PCDHGB2: variants seen among roughly 807,000 people sequenced by gnomAD.
PCDHGB2 encodes the protein protocadherin gamma-B2.
A neutral mutation model predicts 59.3 loss-of-function variants in PCDHGB2; 55 were observed. The ratio of observed to expected loss-of-function variants is 0.93; its 90% CI spans 0.75 to 1.16. The LOEUF (loss-of-function observed/expected upper bound fraction) is 1.16, where lower values mean the gene tolerates loss of function less well. Among genes scored for constraint, PCDHGB2 ranks in the 50% most tolerant of loss-of-function variants. PCDHGB2 has a pLI of 0.00. For missense variants in PCDHGB2, 1,228 were observed against 1,198.5 expected, an observed-to-expected ratio of 1.02 and a Z score of -0.36; for synonymous variants, 516 against 512.0, an observed-to-expected ratio of 1.01 and a Z score of -0.11.
At chr5:141,384,893 C>G in intron 1 of PCDHGB2, 2 of 1,613,890 alleles carry the variant, frequency 1.2e-6, no homozygotes, top group Non-Finnish European at 1.7e-6. Context: ...GTGGCTGTGG[C>G]TGACAGCATC....
intron 1 of PCDHGB2, chr5:141,370,427 AG>A (rs749504882): frequency 1.3e-4 from 212 of 1,590,086 alleles, no homozygotes; most frequent in Non-Finnish European, 1.7e-4. Flanking sequence ...GGGGCCCAGC[AG>A]GGCAGAGGCG....
At chr5:141,401,213 G>T (rs1259778152) in intron 1 of PCDHGB2, among the ~76,000 whole-genome samples, 2 of 152,014 alleles carry the variant, frequency 1.3e-5, no homozygotes, top group African/African-American at 4.8e-5. Flanking sequence ...GTGGTGGCGG[G>T]CGCCTGTAAT....
intron 1 of PCDHGB2, among the ~76,000 whole-genome samples, chr5:141,437,721 A>G (rs2097904045): frequency 6.6e-6 from 1 of 151,664 alleles, no homozygotes; most frequent in African/African-American, 2.4e-5. Flanking sequence ...TTACCCTCTA[A>G]TGTTACACTT....
At position 141,431,098 on chromosome 5, in the gene PCDHGB2, A is replaced by G; in HGVS notation, c.2422-63709A>G. The G allele has an allele frequency of 6.2e-7, 1 of 1,614,260 alleles. No homozygotes were observed. The highest frequency in any genetic ancestry group is 8.5e-7 in the Non-Finnish European group (1 of 1,180,040). On this transcript the variant is annotated intron_variant, in intron 1 of 3. Transcript: ENST00000522605. This position sits in a 1 kb window ranked among gnomAD's most constrained non-coding sequence, Gnocchi z 4.8. ...ATCTAGACATTCTGATGGAGGATAA[A>G]GTGAAAATATATGGAGTAGAAGTAG...
intron 1 of PCDHGB2, chr5:141,430,946 G>C: frequency 6.2e-7 from 1 of 1,609,494 alleles, no homozygotes. Context: ...CGCGGAGCGC[G>C]GAGTCCGCAT....
chr5:141,428,037 C>G lies in PCDHGB2; in HGVS notation c.2421+65481C>G, dbSNP rs762273592. 3.7e-6 allele frequency: 6 copies of G among 1,608,340 alleles called. No homozygotes were observed. In the African/African-American group the frequency reaches 8.0e-5, roughly 21 times the overall value. ...GCCACGCGCCGCAGAGTCCGGCTACCTGGTGACCAAGGTGGTGGCGGTGGA... is the reference window on the plus strand; with the variant it reads ...GCCACGCGCCGCAGAGTCCGGCTACGTGGTGACCAAGGTGGTGGCGGTGGA... On this transcript the variant is annotated intron_variant, in intron 1 of 3. Coordinates refer to ENST00000522605, the MANE Select transcript of PCDHGB2 (RefSeq NM_018923.3).
chr5:141,390,095 T>C lies in PCDHGB2; in HGVS notation c.2421+27539T>C, dbSNP rs763642761. 3 of 1,613,972 alleles carry C rather than the reference T, an allele frequency of 1.9e-6. No individual in the cohort carries two copies. In the South Asian group the frequency reaches 3.3e-5, roughly 18 times the overall value. ...TCTGTGTTAAATCCGAATCCGTGGT[T>C]CCCCCCAACTACAGCGAGGGGACTT... On this transcript the variant is annotated intron_variant, in intron 1 of 3. Coordinates refer to ENST00000522605, the MANE Select transcript of PCDHGB2 (RefSeq NM_018923.3).
In PCDHGB2 at chr5:141,430,673, C is replaced by T. The variant is rs183365013; in HGVS notation, c.2422-64134C>T. 1.5e-4 allele frequency: 198 copies of T among 1,288,318 alleles called. 2 individuals are homozygous for T. In the African/African-American group the frequency reaches 2.8e-3, roughly 18 times the overall value. The allele number at this position is 1,288,318 out of a possible 1,614,324, so 79.8% of individuals were successfully genotyped here. On this transcript the variant is annotated intron_variant, in intron 1 of 3. Coordinates refer to ENST00000522605, the MANE Select transcript of PCDHGB2 (RefSeq NM_018923.3). Reference sequence around the variant, plus strand: ...AAACAACGGAGGAGCTCTGACTTCCCAACTGTCCCATTCTATGGGCGAAGG... The same window carrying T: ...AAACAACGGAGGAGCTCTGACTTCCTAACTGTCCCATTCTATGGGCGAAGG...
At chr5:141,379,171 A>G (rs1561582641) in intron 1 of PCDHGB2, 1 of 152,248 alleles carries the variant, frequency 6.6e-6, no homozygotes, top group Non-Finnish European at 1.5e-5. Flanking sequence ...GTCTTCTTAA[A>G]GATAACATTG....
intron 1 of PCDHGB2, among the ~76,000 whole-genome samples, chr5:141,463,572 C>T (rs1462125489): frequency 6.6e-6 from 1 of 151,572 alleles, no homozygotes; most frequent in African/African-American, 2.4e-5. Context: ...CCTCAGCCTC[C>T]CGAGTAGCTG....
chr5:141,478,202 C>T, intron 1 of PCDHGB2: 1 of 1,614,074 alleles, frequency 6.2e-7, no homozygotes, highest in Non-Finnish European at 8.5e-7. Flanking sequence ...TTATCTACTT[C>T]TTTCTCTAAT....
intron 1 of PCDHGB2, chr5:141,408,220 G>T: frequency 6.4e-7 from 1 of 1,558,994 alleles, no homozygotes; most frequent in Admixed American, 1.9e-5. Flanking sequence ...GGAGCTGCGC[G>T]CAGAGGCGCC....
chr5:141,374,949 C>T (rs1770969144), intron 1 of PCDHGB2: 1 of 1,614,022 alleles, frequency 6.2e-7, no homozygotes, highest in African/African-American at 1.3e-5. Context: ...GAAAAGATCT[C>T]ACAAATTTTC....
chr5:141,410,066 C>G, intron 1 of PCDHGB2: 1 of 1,612,912 alleles, frequency 6.2e-7, no homozygotes, highest in Non-Finnish European at 8.5e-7. Context: ...CCTGGGGCTG[C>G]GCACTGGGGA....
intron 1 of PCDHGB2, chr5:141,421,453 T>G: frequency 1.2e-6 from 2 of 1,614,102 alleles, no homozygotes; most frequent in Middle Eastern, 1.6e-4. Context: ...GACACAGCTT[T>G]TCGCTGTGAA....
intron 1 of PCDHGB2, chr5:141,376,537 G>A (rs753618601): frequency 1.2e-6 from 2 of 1,613,388 alleles, no homozygotes; most frequent in African/African-American, 1.3e-5. Context: ...AGCGGGAAGA[G>A]TAATCTGATC....
intron 1 of PCDHGB2, chr5:141,423,956 A>G: frequency 1.7e-6 from 2 of 1,182,724 alleles, no homozygotes; most frequent in Non-Finnish European, 2.1e-6. Flanking sequence ...TTTTAGTATT[A>G]TTTTTCTATT....
At chr5:141,430,979 C>A (rs370494413) in intron 1 of PCDHGB2, 2 of 1,613,642 alleles carry the variant, frequency 1.2e-6, no homozygotes, top group Non-Finnish European at 1.7e-6. Context: ...TAGGACGCAG[C>A]TTTTCGCCCT....
chr5:141,364,313 T>C, intron 1 of PCDHGB2: 4 of 1,522,730 alleles, frequency 2.6e-6, no homozygotes, highest in Non-Finnish European at 2.6e-6. Flanking sequence ...TAAGAGAAAA[T>C]TGGGCAGAGA....
Sources: gnomAD v4.1 joint callset for allele counts (sites outside exome capture counted in the v4.1 genomes callset) on GRCh38, gnomAD v4.1.1 for gene constraint, Gnocchi (gnomAD v3.1) non-coding constraint, MANE v1.5 for transcripts, NCBI Gene and HGNC (gene_info 2026-07-23, HGNC 2026-07-21) for gene names.